The following TRHDE variants were observed in gnomAD, a reference collection of about 807,000 sequenced individuals.
TRHDE encodes the protein thyrotropin-releasing hormone-degrading ectoenzyme.
Under a neutral mutation model 125.7 loss-of-function variants are expected in TRHDE, and 72 were observed. The observed-to-expected ratio is 0.57, with a 90% CI of 0.47 to 0.70. The LOEUF is 0.70. Among genes scored for constraint, TRHDE ranks in the 30% least tolerant of loss-of-function variants. The pLI is 0.00. For missense variants in TRHDE, 1,110 were observed against 1,327.1 expected (o/e 0.84, Z 2.54); for synonymous variants, 509 against 509.1 (o/e 1.00, Z 0.00).
intron 8 of TRHDE, among the ~76,000 whole-genome samples, chr12:72,562,502 T>TA (rs5799081): frequency 0.17 from 25,656 of 151,304 alleles, 2,370 homozygotes; most frequent in African/African-American, 0.24. Flanking sequence ...ATATTCATGT[T>TA]AAAAAAAAAT....
At position 72,506,160 on chromosome 12, in the gene TRHDE, A is replaced by T. The variant is rs1281762261; in HGVS notation, c.1722+6525A>T. Among the ~76,000 whole-genome samples, 6 of 152,214 alleles carry T rather than the reference A, an allele frequency of 3.9e-5. No individual in the cohort carries two copies. In the East Asian group the frequency reaches 1.2e-3, roughly 29 times the overall value. ...CAAAACATTCAAACATTTTTTTTTA[A>T]ATTAGCTAGGCATCATGGTGCATGT... is the stretch of plus-strand genomic sequence containing the variant. On this transcript the variant is annotated intron_variant, in intron 6 of 18. Transcript: ENST00000261180.
At chr12:72,142,879 C>A (rs1876148980) in intron 2 of TRHDE, among the ~76,000 whole-genome samples, 1 of 152,006 alleles carries the variant, frequency 6.6e-6, no homozygotes, top group South Asian at 2.1e-4. Flanking sequence ...ACTCCCCTTT[C>A]CAGCTCCCCA....
chr12:72,379,056 G>A (rs749139636), intron 3 of TRHDE, among the ~76,000 whole-genome samples: 76 of 152,078 alleles, frequency 5.0e-4, no homozygotes, highest in Admixed American at 2.8e-3. Flanking sequence ...CAGATTCCAC[G>A]TTAAAGGTAT....
chr12:72,508,818 C>G (rs1234628522), intron 6 of TRHDE, among the ~76,000 whole-genome samples: 3 of 152,010 alleles, frequency 2.0e-5, no homozygotes, highest in African/African-American at 2.4e-5. Flanking sequence ...GTGGATTTCC[C>G]CCTTGCTGTT....
intron 2 of TRHDE, among the ~76,000 whole-genome samples, chr12:72,230,562 C>G (rs975387758): frequency 6.6e-6 from 1 of 151,940 alleles, no homozygotes; most frequent in Non-Finnish European, 1.5e-5. Flanking sequence ...TTCAGAGTAA[C>G]TGGTTAAAAT....
At chr12:72,431,731 G>T (rs999834253) in intron 3 of TRHDE, 1 of 151,966 alleles carries the variant, frequency 6.6e-6, no homozygotes, top group South Asian at 2.1e-4. Context: ...CTGTTTATTG[G>T]CATACCTGTT....
At chr12:72,374,839 A>T (rs975999394) in intron 2 of TRHDE, among the ~76,000 whole-genome samples, 1 of 152,104 alleles carries the variant, frequency 6.6e-6, no homozygotes, top group African/African-American at 2.4e-5. Flanking sequence ...AAGGGAGACT[A>T]AAAAAAGGTA....
At chr12:72,400,797 T>C (rs1873010310) in intron 3 of TRHDE, among the ~76,000 whole-genome samples, 1 of 152,274 alleles carries the variant, frequency 6.6e-6, no homozygotes, top group Middle Eastern at 3.4e-3. Context: ...CAAAACACTT[T>C]GCGTGTTGAA....
Position 72,616,537 on chromosome 12 carries a change from C to T in TRHDE, c.2322-2354C>T, listed in dbSNP as rs143137775. On this transcript the variant is annotated intron_variant, in intron 12 of 18. Coordinates refer to ENST00000261180, the MANE Select transcript of TRHDE (RefSeq NM_013381.3). ...TAGTCGATCCAGGCTAGTTTCTTTCCGTAACATTATTTGTCATCGTTTTTA... is the reference window on the plus strand; with the variant it reads ...TAGTCGATCCAGGCTAGTTTCTTTCTGTAACATTATTTGTCATCGTTTTTA... Among the ~76,000 whole-genome samples, 387 of 151,966 alleles carry T rather than the reference C, an allele frequency of 2.5e-3. 1 individual carries two copies. Among genetic ancestry groups the T allele is most frequent in the Middle Eastern group, 0.01 (3 of 294 alleles).
chr12:72,272,525 A>AT lies in TRHDE; in HGVS notation c.-118dup, dbSNP rs752219031. On this transcript the variant is annotated 5_prime_UTR_variant, in exon 1 of 19. Transcript: ENST00000261180. This position sits in a 1 kb window ranked among gnomAD's most constrained non-coding sequence, Gnocchi z 6.7. Reference sequence around the variant, plus strand: ...CCGTCTTAAAAGAACCCGGGCCAGCATCCCCAGTCGCGCGCCCTCGGCCCG... The same window carrying AT: ...CCGTCTTAAAAGAACCCGGGCCAGCATTCCCCAGTCGCGCGCCCTCGGCCCG... The AT allele has an allele frequency of 4.7e-4, 259 of 556,120 alleles. No homozygotes were observed. The highest frequency in any genetic ancestry group is 2.8e-3 in the Middle Eastern group (6 of 2,130). 34.4% of individuals were successfully genotyped at this position (556,120 alleles called of 1,614,324 possible). A position where few individuals can be genotyped will look rare whatever the true frequency, so the allele number is the denominator to read the frequency against.
intron 6 of TRHDE, among the ~76,000 whole-genome samples, chr12:72,507,757 G>A (rs1178880815): frequency 1.3e-5 from 2 of 152,154 alleles, no homozygotes; most frequent in Admixed American, 6.5e-5. Flanking sequence ...AAGACAATGG[G>A]GAAAAATGCC....
chr12:72,295,072 G>A (rs1010023773), intron 2 of TRHDE, among the ~76,000 whole-genome samples: 9 of 150,312 alleles, frequency 6.0e-5, no homozygotes, highest in South Asian at 2.1e-4. Context: ...GCTTGAGTCC[G>A]CAGCTGTGGT....
intron 6 of TRHDE, among the ~76,000 whole-genome samples, chr12:72,529,077 A>G (rs1868410672): frequency 6.6e-6 from 1 of 152,100 alleles, no homozygotes; most frequent in Non-Finnish European, 1.5e-5. Flanking sequence ...TTTATTTTAA[A>G]TAAAAACCAA....
chr12:72,360,301 T>G (rs1241490857), intron 2 of TRHDE, among the ~76,000 whole-genome samples: 2 of 151,814 alleles, frequency 1.3e-5, no homozygotes, highest in Admixed American at 1.3e-4. Context: ...AAGGCTGTCA[T>G]AGACTGGGAG....
chr12:72,426,707 A>T (rs1303402085), intron 3 of TRHDE, among the ~76,000 whole-genome samples: 1 of 147,486 alleles, frequency 6.8e-6, no homozygotes, highest in Non-Finnish European at 1.5e-5. Flanking sequence ...TGGCAACCAC[A>T]AAAATAGATT....
chr12:72,266,607 A>G (rs1879076068), intron 2 of TRHDE, among the ~76,000 whole-genome samples: 1 of 151,374 alleles, frequency 6.6e-6, no homozygotes, highest in Non-Finnish European at 1.5e-5. Flanking sequence ...CTCCAAGGAG[A>G]GTATAGACCA....
At chr12:72,255,214 C>G (rs1268813516) in intron 2 of TRHDE, 2 of 152,144 alleles carry the variant, frequency 1.3e-5, no homozygotes, top group African/African-American at 4.8e-5. Context: ...CACCAATAAC[C>G]AATCCCAAGA....
intron 2 of TRHDE, among the ~76,000 whole-genome samples, chr12:72,226,477 A>G (rs1311196169): frequency 6.6e-6 from 1 of 152,198 alleles, no homozygotes; most frequent in Admixed American, 6.6e-5. Flanking sequence ...AATAGGGTCA[A>G]TTAATTTTAA....
intron 3 of TRHDE, among the ~76,000 whole-genome samples, chr12:72,452,186 T>G (rs922811419): frequency 2.2e-5 from 3 of 137,900 alleles, no homozygotes; most frequent in African/African-American, 9.8e-5. Flanking sequence ...TATTTATTCC[T>G]GAGGTTTTTT....
Sources: gnomAD v4.1 joint callset for allele counts (sites outside exome capture counted in the v4.1 genomes callset) on GRCh38, gnomAD v4.1.1 for gene constraint, Gnocchi (gnomAD v3.1) non-coding constraint, MANE v1.5 for transcripts, NCBI Gene and HGNC (gene_info 2026-07-23, HGNC 2026-07-21) for gene names.